The following GDPD4 variants were observed in gnomAD, a reference collection of about 807,000 sequenced individuals.
GDPD4 encodes glycerophosphodiester phosphodiesterase 6.
Under a neutral mutation model 67.8 loss-of-function variants are expected in GDPD4, and 60 were observed. The observed-to-expected ratio is 0.88, with a 90% confidence interval of 0.72 to 1.10. The LOEUF is 1.10. Ranked by LOEUF, GDPD4 falls within the 50% of genes least tolerant of loss-of-function variation. GDPD4 has a pLI of 0.00. For synonymous variants in GDPD4, 212 were observed against 210.9 expected (o/e 1.00, Z -0.04); for missense variants, 623 against 613.9 (o/e 1.01, Z -0.16).
chr11:77,250,119 G>A (rs1379338073), intron 11 of GDPD4, among the ~76,000 whole-genome samples: 1 of 152,020 alleles, frequency 6.6e-6, no homozygotes, highest in Non-Finnish European at 1.5e-5. Context: ...TTTAGATTCA[G>A]TGAGTACATG....
intron 11 of GDPD4, among the ~76,000 whole-genome samples, chr11:77,247,310 A>G (rs1958799069): frequency 6.6e-6 from 1 of 152,230 alleles, no homozygotes; most frequent in Non-Finnish European, 1.5e-5. Flanking sequence ...CAACTGGTTC[A>G]CTTAACTATT....
intron 8 of GDPD4, 123 bp downstream of exon 8, chr11:77,269,760 T>A: frequency 3.5e-6 from 2 of 579,016 alleles, no homozygotes; most frequent in Non-Finnish European, 3.1e-6. Flanking sequence ...ACACAATGCC[T>A]GCGATAACCA....
chr11:77,223,359 C>T (rs1958264402), intron 16 of GDPD4, among the ~76,000 whole-genome samples: 1 of 152,152 alleles, frequency 6.6e-6, no homozygotes, highest in Admixed American at 6.5e-5. Flanking sequence ...TGGTGATCTA[C>T]AGATGGGGTT....
At chr11:77,233,262 T>C (rs1379493429) in intron 13 of GDPD4, 90 bp from the exon 14 acceptor site, 40 of 1,303,628 alleles carry the variant, frequency 3.1e-5, no homozygotes, top group Middle Eastern at 1.9e-4. Context: ...TGTGAAAGGC[T>C]GTTGCCTAAA....
At chr11:77,284,888 G>A (rs938873949) in intron 3 of GDPD4, among the ~76,000 whole-genome samples, 197 bp downstream of exon 3, 1 of 152,206 alleles carries the variant, frequency 6.6e-6, no homozygotes, top group East Asian at 1.9e-4. Flanking sequence ...CACAGTGGAA[G>A]AAAGTACAAT....
intron 10 of GDPD4, among the ~76,000 whole-genome samples, chr11:77,264,471 A>C (rs1377806610): frequency 2.6e-5 from 4 of 152,180 alleles, no homozygotes; most frequent in Non-Finnish European, 5.9e-5. Context: ...AGGAGCCAGC[A>C]AAAGAAGTCA....
At chr11:77,217,407 C>T in intron 16 of GDPD4, 93 bp from the exon 17 acceptor site, 1 of 1,022,768 alleles carries the variant, frequency 9.8e-7, no homozygotes, top group Non-Finnish European at 1.6e-6. Flanking sequence ...TAAATGTTAG[C>T]CACTCCCTTA....
chr11:77,273,541 T>C (rs1591567064), intron 5 of GDPD4, among the ~76,000 whole-genome samples: 1 of 152,166 alleles, frequency 6.6e-6, no homozygotes, highest in East Asian at 1.9e-4. Flanking sequence ...GTAGAATATG[T>C]GTGGGAATGA....
intron 14 of GDPD4, among the ~76,000 whole-genome samples, chr11:77,229,623 C>T (rs112669165): frequency 0.016 from 2,416 of 152,312 alleles, 22 homozygotes; most frequent in African/African-American, 0.025. Context: ...GCAGCCAAGT[C>T]TCCCGGGGCA....
intron 7 of GDPD4, among the ~76,000 whole-genome samples, chr11:77,270,422 A>C (rs543631326): frequency 1.9e-4 from 29 of 152,322 alleles, no homozygotes; most frequent in Non-Finnish European, 3.5e-4. Flanking sequence ...GTATTAGTTG[A>C]AACTACTAAT....
At position 77,258,371 on chromosome 11, in the gene GDPD4, G is replaced by T; in HGVS notation, c.864+15C>A. The T allele has an allele frequency of 6.2e-7, 1 of 1,612,820 alleles. No individual in the cohort carries two copies. The highest frequency in any genetic ancestry group is 8.5e-7 in the Non-Finnish European group (1 of 1,178,896). On this transcript the variant is annotated intron_variant, in intron 11 of 16. Transcript: ENST00000315938. ...AATTCAATGCAGGTTTGTGGAACTT[G>T]GGAATGTGTCTTACCTCTGGTTTTA... is the stretch of plus-strand genomic sequence containing the variant.
At chr11:77,275,889 G>A (rs1354196823) in intron 5 of GDPD4, among the ~76,000 whole-genome samples, 1 of 152,226 alleles carries the variant, frequency 6.6e-6, no homozygotes, top group African/African-American at 2.4e-5. Context: ...GGAATGGGAA[G>A]AACAGGGCTA....
At chr11:77,293,090 A>C (rs1348459980) in intron 1 of GDPD4, among the ~76,000 whole-genome samples, 1 of 152,238 alleles carries the variant, frequency 6.6e-6, no homozygotes, top group African/African-American at 2.4e-5. Context: ...AATTCTATAG[A>C]AACTCTTACA....
At chr11:77,234,148 A>C (rs755315328) in intron 13 of GDPD4, among the ~76,000 whole-genome samples, 2 of 152,174 alleles carry the variant, frequency 1.3e-5, no homozygotes, top group Non-Finnish European at 2.9e-5. Flanking sequence ...GAGCTTAGTA[A>C]ATTCTTGGCC....
At chr11:77,221,924 G>T (rs1461178333) in intron 16 of GDPD4, among the ~76,000 whole-genome samples, 1 of 151,974 alleles carries the variant, frequency 6.6e-6, no homozygotes, top group Non-Finnish European at 1.5e-5. Flanking sequence ...TCCTGTATTG[G>T]GTGCATATAT....
chr11:77,294,536 T>G (rs751856427), intron 1 of GDPD4, among the ~76,000 whole-genome samples: 10 of 152,172 alleles, frequency 6.6e-5, no homozygotes, highest in Non-Finnish European at 1.3e-4. Flanking sequence ...TTTCTTGGAT[T>G]AGAAGACTCA....
At chr11:77,221,663 G>A (rs9705014) in intron 16 of GDPD4, among the ~76,000 whole-genome samples, 133,664 of 152,092 alleles carry the variant, frequency 0.88, 58,924 homozygotes, top group Middle Eastern at 0.91. Context: ...TATGTGGTCA[G>A]TTTTGGAATG....
chr11:77,299,818 G>A (rs1057369329), intron 1 of GDPD4, among the ~76,000 whole-genome samples: 1 of 152,176 alleles, frequency 6.6e-6, no homozygotes, highest in Non-Finnish European at 1.5e-5. Context: ...AAGTTACACA[G>A]AAAAAGGTGT....
chr11:77,276,133 G>C lies in GDPD4; in HGVS notation c.207+28C>G, dbSNP rs375884855. The C allele has an allele frequency of 1.1e-5, 18 of 1,577,502 alleles. No individual in the cohort carries two copies. In the East Asian group the frequency reaches 3.8e-4, roughly 33 times the overall value. On this transcript the variant is annotated intron_variant, in intron 5 of 16. Transcript: ENST00000315938. Reference sequence around the variant, plus strand: ...GTCTAAGGTTCAGTCCTGGTCTAAGGTTTCCTATGTGGACTCAGATGTCCT... The same window carrying C: ...GTCTAAGGTTCAGTCCTGGTCTAAGCTTTCCTATGTGGACTCAGATGTCCT...
Sources: allele counts gnomAD v4.1 joint callset (sites outside exome capture counted in the v4.1 genomes callset), GRCh38; gene constraint gnomAD v4.1.1; transcripts MANE v1.5; gene names NCBI Gene and HGNC (gene_info 2026-07-23, HGNC 2026-07-21).